The following EIF2AK3 variants were observed in gnomAD, a reference collection of about 807,000 sequenced individuals.
The protein encoded by EIF2AK3 is eukaryotic translation initiation factor 2-alpha kinase 3.
Under a neutral mutation model 113.5 loss-of-function variants are expected in EIF2AK3, and 50 were observed. The observed-to-expected ratio is 0.44, with a 90% CI of 0.35 to 0.56. The LOEUF (loss-of-function observed/expected upper bound fraction) is 0.56, where lower values mean the gene tolerates loss of function less well. Among genes scored for constraint, EIF2AK3 ranks in the 20% least tolerant of loss-of-function variants. The pLI is 0.00. For synonymous variants in EIF2AK3, 448 were observed against 495.4 expected, an observed-to-expected ratio of 0.90 and a Z score of 1.27; for missense variants, 1,185 against 1,378.0, an observed-to-expected ratio of 0.86 and a Z score of 2.22.
In EIF2AK3 at chr2:88,627,164, T is replaced by G; in HGVS notation, c.111A>C (p.Pro37=). ...CGAACGCCGCCTCCGCCGTCGGCGCTGGGAGGCCACGGGCGCGCCCCGCGG... is the reference window on the plus strand; with the variant it reads ...CGAACGCCGCCTCCGCCGTCGGCGCGGGGAGGCCACGGGCGCGCCCCGCGG... ...TVAAGRARGL[P]APTAEAAFGL... Residue 37 remains proline (P), a synonymous_variant, in exon 1 of 17, where the codon CCA becomes CCC. Transcript: ENST00000303236. 6.9e-7 allele frequency: 1 copy of G among 1,441,558 alleles called. No homozygotes were observed. Among genetic ancestry groups the G allele is most frequent in the Non-Finnish European group, 9.1e-7 (1 of 1,104,148 alleles). The allele number at this position is 1,441,558 out of a possible 1,614,324, so 89.3% of individuals were successfully genotyped here. A position where few individuals can be genotyped will look rare whatever the true frequency, so the allele number is the denominator to read the frequency against.
At chr2:88,605,947 T>C (rs1472103773) in intron 2 of EIF2AK3, among the ~76,000 whole-genome samples, 3 of 151,972 alleles carry the variant, frequency 2.0e-5, no homozygotes, top group Non-Finnish European at 4.4e-5. Flanking sequence ...ACGGGAGGGG[T>C]AATGAGATTG....
At chr2:88,563,828 A>G (rs1448601837) in intron 14 of EIF2AK3, among the ~76,000 whole-genome samples, 4 of 152,232 alleles carry the variant, frequency 2.6e-5, no homozygotes, top group Admixed American at 2.6e-4. Flanking sequence ...TTTATTTTCT[A>G]AAGTAAGGTG....
In EIF2AK3 at chr2:88,590,428, G is replaced by A; in HGVS notation, c.1165+15C>T. On this transcript the variant is annotated intron_variant, in intron 6 of 16. Transcript: ENST00000303236. Reference sequence around the variant, plus strand: ...GTCAATGTGTACTATCGTTAGATAAGATACATTTACTCACCCAAGTAAACA... The same window carrying A: ...GTCAATGTGTACTATCGTTAGATAAAATACATTTACTCACCCAAGTAAACA... 1 of 1,613,176 alleles carries A rather than the reference G, an allele frequency of 6.2e-7. No individual in the cohort carries two copies. Among genetic ancestry groups the A allele is most frequent in the Non-Finnish European group, 8.5e-7 (1 of 1,179,446 alleles).
At chr2:88,587,204 C>CA (rs780050125) in intron 8 of EIF2AK3, among the ~76,000 whole-genome samples, 11,336 of 29,904 alleles carry the variant, frequency 0.38, 2,397 homozygotes, top group Non-Finnish European at 0.41. Context: ...AACTCCATCT[C>CA]AAAAAAAAAA....
chr2:88,605,536 C>T (rs557802012), intron 2 of EIF2AK3, among the ~76,000 whole-genome samples: 3 of 152,230 alleles, frequency 2.0e-5, no homozygotes, highest in South Asian at 4.1e-4. Flanking sequence ...TATCAGAAAG[C>T]TCTATCAAGC....
At chr2:88,585,134 G>T (rs970862471) in intron 9 of EIF2AK3, among the ~76,000 whole-genome samples, 1 of 151,992 alleles carries the variant, frequency 6.6e-6, no homozygotes. Context: ...GTGTGATGAT[G>T]GTATTTGTGC....
intron 14 of EIF2AK3, among the ~76,000 whole-genome samples, chr2:88,566,582 G>A (rs1259890731): frequency 1.3e-5 from 2 of 151,960 alleles, no homozygotes; most frequent in African/African-American, 2.4e-5. Context: ...ACAGGTAAAC[G>A]TGTGCCATGG....
At chr2:88,588,701 A>G in intron 7 of EIF2AK3, 60 bp downstream of exon 7, 1 of 1,586,700 alleles carries the variant, frequency 6.3e-7, no homozygotes. Flanking sequence ...TAGGGCAAAG[A>G]CAGTCAGGAT....
intron 7 of EIF2AK3, 31 bp downstream of exon 7, chr2:88,588,730 C>T (rs1558654127): frequency 6.2e-7 from 1 of 1,612,132 alleles, no homozygotes; most frequent in Non-Finnish European, 8.5e-7. Flanking sequence ...TGAACACTAA[C>T]AGTATTTAGA....
At chr2:88,623,895 G>A (rs1014608444) in intron 1 of EIF2AK3, among the ~76,000 whole-genome samples, 1 of 151,854 alleles carries the variant, frequency 6.6e-6, no homozygotes, top group Non-Finnish European at 1.5e-5. Context: ...CAAAATTCCT[G>A]TTTTCACTGC....
chr2:88,575,617 A>G (rs1674438536), intron 12 of EIF2AK3, 171 bp from the exon 13 acceptor site: 1 of 703,790 alleles, frequency 1.4e-6, no homozygotes, highest in Non-Finnish European at 2.4e-6. Flanking sequence ...AGAACATCAC[A>G]TTCCATTCAT....
chr2:88,627,232 G>A lies in EIF2AK3; in HGVS notation c.43C>T (p.Leu15=). 1 of 1,479,508 alleles carries A rather than the reference G, an allele frequency of 6.8e-7. No homozygotes were observed. Among genetic ancestry groups the A allele is most frequent in the Non-Finnish European group, 8.9e-7 (1 of 1,121,524 alleles). 91.6% of individuals were successfully genotyped at this position (1,479,508 alleles called of 1,614,324 possible). The part of the protein sequence containing the change: ...ISPGLLVRAL[L]LLLLLLGLAA... Reference sequence around the variant, plus strand: ...AGCCCCAGCAGCAGCAGCAGCAGCAGCAGCGCCCGTACCAGCAGCCCCGGG... The same window carrying A: ...AGCCCCAGCAGCAGCAGCAGCAGCAACAGCGCCCGTACCAGCAGCCCCGGG... Residue 15 remains leucine (L), a synonymous_variant, in exon 1 of 17, where the codon CTG becomes TTG. Transcript: ENST00000303236.
intron 14 of EIF2AK3, among the ~76,000 whole-genome samples, chr2:88,569,832 T>C (rs994129952): frequency 5.3e-5 from 8 of 152,216 alleles, no homozygotes; most frequent in African/African-American, 1.9e-4. Context: ...ATATCTACAA[T>C]TACTTGAAAT....
Position 88,627,354 on chromosome 2 carries a change from G to A in EIF2AK3, c.-80C>T. On this transcript the variant is annotated 5_prime_UTR_variant, in exon 1 of 17. Transcript: ENST00000303236. The stretch of plus-strand genomic sequence containing the variant: ...CCCGCCGCTTGGAGCTCCCAAGAAG[G>A]CAAGGACGTGCTAGGGACCCTACTG... The A allele has an allele frequency of 7.2e-7, 1 of 1,381,774 alleles. No homozygotes were observed. Among genetic ancestry groups the A allele is most frequent in the Admixed American group, 3.0e-5 (1 of 33,808 alleles). 85.6% of individuals were successfully genotyped at this position (1,381,774 alleles called of 1,614,324 possible).
intron 2 of EIF2AK3, among the ~76,000 whole-genome samples, chr2:88,609,452 C>T (rs1212691559): frequency 2.0e-5 from 3 of 151,982 alleles, no homozygotes; most frequent in African/African-American, 7.3e-5. Flanking sequence ...TACACCTGAA[C>T]TAAAGGAAAA....
chr2:88,609,512 G>T (rs1466020461), intron 2 of EIF2AK3, among the ~76,000 whole-genome samples: 1 of 152,156 alleles, frequency 6.6e-6, no homozygotes, highest in African/African-American at 2.4e-5. Context: ...CAATAAAAAT[G>T]ACTGATTTCA....
chr2:88,581,306 T>TA (rs1327857890), intron 10 of EIF2AK3, among the ~76,000 whole-genome samples: 2 of 152,136 alleles, frequency 1.3e-5, no homozygotes, highest in African/African-American at 2.4e-5. Flanking sequence ...TATATTTTTC[T>TA]AATTTTCTTG....
chr2:88,623,122 A>C (rs1425136018), intron 1 of EIF2AK3, among the ~76,000 whole-genome samples: 1 of 152,226 alleles, frequency 6.6e-6, no homozygotes, highest in Non-Finnish European at 1.5e-5. Context: ...GATTGTCAGA[A>C]TGTCTTCCCA....
chr2:88,625,694 G>A (rs1388141521), intron 1 of EIF2AK3, among the ~76,000 whole-genome samples: 1 of 152,216 alleles, frequency 6.6e-6, no homozygotes, highest in Admixed American at 6.5e-5. Flanking sequence ...ACCTGTTGAA[G>A]TGGATTTGAA....
Sources: allele counts gnomAD v4.1 joint callset (sites outside exome capture counted in the v4.1 genomes callset), GRCh38; gene constraint gnomAD v4.1.1; transcripts MANE v1.5; gene names NCBI Gene and HGNC (gene_info 2026-07-23, HGNC 2026-07-21).